COL4A2: variants seen among roughly 807,000 people sequenced by gnomAD.
COL4A2 encodes the protein collagen alpha-2(IV) chain.
COL4A2 carries 99 observed loss-of-function variants against 200.2 expected under a neutral mutation model. The observed-to-expected ratio is 0.49, with a 90% CI of 0.42 to 0.58. The LOEUF is 0.58. Ranked by LOEUF, COL4A2 falls within the 20% of genes least tolerant of loss-of-function variation. The probability of loss-of-function intolerance (pLI) is 0.00; values close to 1 mark genes in which losing one functional copy is unlikely to be tolerated. For synonymous variants in COL4A2, 897 were observed against 900.6 expected (o/e 1.00, Z 0.07); for missense variants, 1,950 against 2,314.1 (o/e 0.84, Z 3.23).
intron 34 of COL4A2, among the ~76,000 whole-genome samples, chr13:110,487,234 T>C (rs1487386478): frequency 6.6e-6 from 1 of 152,242 alleles, no homozygotes; most frequent in East Asian, 1.9e-4. Flanking sequence ...GGCAGATCAC[T>C]TGTGGTCAGG....
intron 20 of COL4A2, chr13:110,456,535 T>G (rs1369145260): frequency 2.8e-5 from 10 of 353,998 alleles, no homozygotes; most frequent in Admixed American, 7.7e-5. Context: ...ATCCCTATAG[T>G]TTAATGGAAA....
chr13:110,416,058 C>T (rs1406241143), intron 4 of COL4A2, among the ~76,000 whole-genome samples: 2 of 152,228 alleles, frequency 1.3e-5, no homozygotes, highest in African/African-American at 2.4e-5. Flanking sequence ...TGCCAATCAT[C>T]GTGTGATCCT....
intron 4 of COL4A2, among the ~76,000 whole-genome samples, chr13:110,387,449 G>A (rs539554877): frequency 1.4e-3 from 214 of 152,310 alleles, no homozygotes; most frequent in South Asian, 5.4e-3. Flanking sequence ...GGGTGTTTCC[G>A]TGGCCAGAGG....
intron 21 of COL4A2, 83 bp from the exon 22 acceptor site, chr13:110,458,688 C>G: frequency 6.4e-7 from 1 of 1,559,684 alleles, no homozygotes; most frequent in South Asian, 1.2e-5. Flanking sequence ...TGCCACCCAG[C>G]TCTCCCCGCT....
intron 3 of COL4A2, among the ~76,000 whole-genome samples, chr13:110,348,225 C>T (rs765399443): frequency 9.2e-5 from 14 of 152,228 alleles, no homozygotes; most frequent in Non-Finnish European, 1.9e-4. Context: ...ATTCATTGTA[C>T]GTGGGGGAGC....
At chr13:110,438,492 C>A in intron 14 of COL4A2, 126 bp from the exon 15 acceptor site, 1 of 1,286,464 alleles carries the variant, frequency 7.8e-7, no homozygotes, top group Non-Finnish European at 1.1e-6. Flanking sequence ...TTGAGCATCG[C>A]CAGGCGGTCT....
chr13:110,458,910 C>A lies in COL4A2; in HGVS notation c.1572C>A (p.Gly524=). The change falls in exon 22 of 48, where the codon GGC becomes GGA. Residue 524 remains glycine, a synonymous_variant. Transcript: ENST00000360467. ...ACAGAGGAGACCCCGGCCAACACGGCCTCCCTGGGTTCCCAGGGCTCAAGG... is the reference window on the plus strand; with the variant it reads ...ACAGAGGAGACCCCGGCCAACACGGACTCCCTGGGTTCCCAGGGCTCAAGG... ...KGDRGDPGQH[G]LPGFPGLKGV... is the part of the protein sequence containing the mutation. The A allele has an allele frequency of 6.3e-7, 1 of 1,586,454 alleles. No homozygotes were observed. Among genetic ancestry groups the A allele is most frequent in the South Asian group, 1.1e-5 (1 of 87,322 alleles).
intron 4 of COL4A2, among the ~76,000 whole-genome samples, chr13:110,379,770 G>A (rs1251679098): frequency 6.6e-6 from 1 of 152,164 alleles, no homozygotes; most frequent in Non-Finnish European, 1.5e-5. Context: ...CCACTCCCTA[G>A]GTGGCTATGC....
chr13:110,506,384 C>G (rs1210031947), intron 45 of COL4A2, 31 bp from the exon 46 acceptor site: 1 of 1,587,846 alleles, frequency 6.3e-7, no homozygotes, highest in Admixed American at 1.8e-5. Context: ...GTGCACCAGG[C>G]CGTCCACTCT....
At chr13:110,319,233 C>G (rs1221187785) in intron 3 of COL4A2, among the ~76,000 whole-genome samples, 1 of 152,020 alleles carries the variant, frequency 6.6e-6, no homozygotes, top group Non-Finnish European at 1.5e-5. Flanking sequence ...CTTCCTGATG[C>G]CTTGAGACGG....
At chr13:110,507,689 A>G (rs774495279) in intron 46 of COL4A2, 44 of 579,768 alleles carry the variant, frequency 7.6e-5, no homozygotes, top group African/African-American at 4.5e-4. Flanking sequence ...TGGTGATCCA[A>G]CTTGGCCCAG....
intron 36 of COL4A2, 22 bp from the exon 37 acceptor site, chr13:110,491,211 A>G (rs1883273401): frequency 6.4e-7 from 1 of 1,551,216 alleles, no homozygotes. Flanking sequence ...GTTTGTTCCA[A>G]GCAGCATGTC....
At chr13:110,361,022 A>AT (rs1188390076) in intron 4 of COL4A2, among the ~76,000 whole-genome samples, 2 of 152,250 alleles carry the variant, frequency 1.3e-5, no homozygotes, top group Non-Finnish European at 2.9e-5. Flanking sequence ...ACATTCACTG[A>AT]TAAAGTGATA....
At chr13:110,465,915 A>G in intron 25 of COL4A2, 88 bp from the exon 26 acceptor site, 1 of 1,479,436 alleles carries the variant, frequency 6.8e-7, no homozygotes, top group South Asian at 1.3e-5. Context: ...TATACGACAC[A>G]CCTTCACACA....
intron 4 of COL4A2, among the ~76,000 whole-genome samples, chr13:110,374,462 C>A (rs1359237851): frequency 6.6e-6 from 1 of 152,180 alleles, no homozygotes; most frequent in Non-Finnish European, 1.5e-5. Flanking sequence ...TCAACTCTTT[C>A]TCTCCCTAAA....
At chr13:110,456,750 C>G (rs1272950033) in intron 20 of COL4A2, 2 of 474,918 alleles carry the variant, frequency 4.2e-6, no homozygotes, top group Non-Finnish European at 4.4e-6. Flanking sequence ...TGGGGGGACC[C>G]TGGGCATCCT....
intron 6 of COL4A2, 65 bp from the exon 7 acceptor site, chr13:110,428,402 C>T (rs1419976370): frequency 1.1e-5 from 10 of 936,992 alleles, no homozygotes; most frequent in African/African-American, 3.4e-5. Flanking sequence ...ACTGTTTTAT[C>T]TCACAGTTAC....
intron 40 of COL4A2, among the ~76,000 whole-genome samples, chr13:110,497,163 G>T (rs1244875436): frequency 6.6e-6 from 1 of 151,914 alleles, no homozygotes; most frequent in African/African-American, 2.4e-5. Flanking sequence ...TCTAGGGTCA[G>T]CGCACCAGCA....
intron 4 of COL4A2, among the ~76,000 whole-genome samples, chr13:110,397,822 C>T (rs1222593563): frequency 6.6e-6 from 1 of 152,190 alleles, no homozygotes; most frequent in Non-Finnish European, 1.5e-5. Flanking sequence ...GGCTTTTACA[C>T]CATATTTTAT....
Sources: allele counts gnomAD v4.1 joint callset (sites outside exome capture counted in the v4.1 genomes callset), GRCh38; gene constraint gnomAD v4.1.1; transcripts MANE v1.5; gene names NCBI Gene and HGNC (gene_info 2026-07-23, HGNC 2026-07-21).